Variants in NOL11 observed in about 807,000 individuals in gnomAD.
NOL11 encodes nucleolar protein 11.
Under a neutral mutation model 93.0 loss-of-function variants are expected in NOL11, and 42 were observed. The observed-to-expected ratio is 0.45, with a 90% CI of 0.35 to 0.58. NOL11 has a LOEUF of 0.58. Ranked by LOEUF, NOL11 falls within the 20% of genes least tolerant of loss-of-function variation. NOL11 has a pLI of 0.00. For missense variants in NOL11, 775 were observed against 841.8 expected (o/e 0.92, Z 0.98); for synonymous variants, 296 against 293.7 (o/e 1.01, Z -0.08).
intron 1 of NOL11, 71 bp from the exon 2 acceptor site, chr17:67,719,603 A>C (rs1230016193): frequency 1.2e-6 from 1 of 815,948 alleles, no homozygotes; most frequent in African/African-American, 1.8e-5. Flanking sequence ...TCTTTTATTG[A>C]TTATAAACTT....
At position 67,737,668 on chromosome 17, in the gene NOL11, T is replaced by G. The variant is rs1222831859; in HGVS notation, c.1379T>G (p.Ile460Ser). Reference protein sequence around the residue: ...FYPRNCLMQLIQTHVLSYSLC... With the variant: ...FYPRNCLMQLSQTHVLSYSLC... ...CCCCGGAACTGTCTGATGCAGCTTATCCAAACGCATGTGCTTTCTTACAGG... is the reference window on the plus strand; with the variant it reads ...CCCCGGAACTGTCTGATGCAGCTTAGCCAAACGCATGTGCTTTCTTACAGG... Residue 460 changes from isoleucine to serine, a missense_variant, in exon 12 of 18, where the codon ATC (isoleucine) becomes AGC (serine). Physicochemically the swap from Ile to Ser is moderately radical, Grantham distance 142 (BLOSUM62 -2). Coordinates refer to ENST00000253247, the MANE Select transcript of NOL11 (RefSeq NM_015462.5). 6.2e-7 allele frequency: 1 copy of G among 1,613,554 alleles called. No homozygotes were observed. Among genetic ancestry groups the G allele is most frequent in the Non-Finnish European group, 8.5e-7 (1 of 1,179,840 alleles).
At chr17:67,739,042 A>C (rs780927764) in intron 15 of NOL11, 32 bp downstream of exon 15, 4 of 1,455,542 alleles carry the variant, frequency 2.7e-6, no homozygotes, top group Non-Finnish European at 3.8e-6. Context: ...ATAGAATTTT[A>C]CTTCTGGTTT....
At position 67,721,405 on chromosome 17, in the gene NOL11, T is replaced by A; in HGVS notation, c.340T>A (p.Ser114Thr). Residue 114 changes from serine to threonine, a missense_variant, in exon 4 of 18, where the codon TCA becomes ACA. This residue lies in a region of NOL11 where 359 missense variants were observed against 316.5 expected (regional missense o/e 1.13). Transcript: ENST00000253247. ...GTCAGCAGAAGTATATAGGATACTTTCAGTGCAAGGGACAGAACCCTTGGT... is the reference window on the plus strand; with the variant it reads ...GTCAGCAGAAGTATATAGGATACTTACAGTGCAAGGGACAGAACCCTTGGT... Reference protein sequence around the residue: ...TLSAEVYRILSVQGTEPLVLF... With the variant: ...TLSAEVYRILTVQGTEPLVLF... The A allele has an allele frequency of 6.2e-7, 1 of 1,604,118 alleles. No homozygotes were observed. Among genetic ancestry groups the A allele is most frequent in the Non-Finnish European group, 8.5e-7 (1 of 1,177,104 alleles).
chr17:67,735,840 T>G, intron 8 of NOL11, 60 bp from the exon 9 acceptor site: 1 of 1,405,768 alleles, frequency 7.1e-7, no homozygotes, highest in Non-Finnish European at 9.8e-7. Context: ...TAAGGCTTTA[T>G]TGAGTCATAC....
Position 67,738,161 on chromosome 17 carries a change from G to A in NOL11, c.1569G>A (p.Met523Ile), listed in dbSNP as rs748317987. The A allele has an allele frequency of 1.2e-6, 2 of 1,612,398 alleles. No individual in the cohort carries two copies. Among genetic ancestry groups the A allele is most frequent in the Non-Finnish European group, 1.7e-6 (2 of 1,178,992 alleles). The change falls in exon 14 of 18, where the codon ATG (methionine) becomes ATA (isoleucine). Residue 523 changes from methionine to isoleucine, a missense_variant. Coordinates refer to ENST00000253247, the MANE Select transcript of NOL11 (RefSeq NM_015462.5). ...DDSLQETDVNMESVFDYSINS... is the reference protein window; with the variant it reads ...DDSLQETDVNIESVFDYSINS... ...GTCTTCAAGAAACAGATGTTAATAT[G>A]GAGTCAGTTTTTGACTATAGTATAA...
At chr17:67,725,052 G>A (rs547377291) in intron 6 of NOL11, among the ~76,000 whole-genome samples, 4 of 152,172 alleles carry the variant, frequency 2.6e-5, no homozygotes, top group East Asian at 1.9e-4. Context: ...AGCGAGACTC[G>A]AGACTCGTCT....
In NOL11 at chr17:67,722,795, C is replaced by T. The variant is rs572822704; in HGVS notation, c.519+158C>T. On this transcript the variant is annotated intron_variant, in intron 5 of 17. Transcript: ENST00000253247. ...AACCTCCTGGCTCAAGCAGTCCTCC[C>T]ACTTCAGCCTGCCGAGTTGCCTCGT... 2.0e-5 allele frequency among the ~76,000 whole-genome samples: 3 copies of T among 152,250 alleles called. No individual in the cohort carries two copies. In the East Asian group the frequency reaches 5.8e-4, roughly 29 times the overall value.
chr17:67,742,672 T>C (rs572792092), intron 16 of NOL11, among the ~76,000 whole-genome samples: 3 of 152,218 alleles, frequency 2.0e-5, no homozygotes, highest in African/African-American at 4.8e-5. Context: ...TAATCTGATA[T>C]AAGGAGTTCC....
intron 7 of NOL11, among the ~76,000 whole-genome samples, chr17:67,733,935 A>T (rs7224980): frequency 0.82 from 124,673 of 152,086 alleles, 51,460 homozygotes; most frequent in Middle Eastern, 0.88. Context: ...ACTCATGGGG[A>T]TATTGCTCTG....
At chr17:67,726,795 ATTC>A (rs1202323743) in intron 7 of NOL11, 147 bp downstream of exon 7, 3 of 549,828 alleles carry the variant, frequency 5.5e-6, no homozygotes, top group African/African-American at 2.0e-5. Flanking sequence ...TGCCTTCCTA[ATTC>A]TTCTTGAATT....
rs1456753835 is a variant in NOL11 at position 67,723,992 on chromosome 17, T to C, written c.520-57T>C. The stretch of plus-strand genomic sequence containing the variant: ...GGTGACAACTTCTGGTTTTAACATA[T>C]GTTAAAATACTTGGTTGAAATGGGA... On this transcript the variant is annotated intron_variant, in intron 5 of 17. Coordinates refer to ENST00000253247, the MANE Select transcript of NOL11 (RefSeq NM_015462.5). The C allele has an allele frequency of 3.1e-6, 4 of 1,276,318 alleles. No individual in the cohort carries two copies. The South Asian group carries it at 5.8e-5, about 19-fold the overall frequency. The allele number at this position is 1,276,318 out of a possible 1,614,324, so 79.1% of individuals were successfully genotyped here. A position where few individuals can be genotyped will look rare whatever the true frequency, so the allele number is the denominator to read the frequency against.
chr17:67,725,233 A>G (rs1433161756), intron 6 of NOL11, among the ~76,000 whole-genome samples: 4 of 152,054 alleles, frequency 2.6e-5, no homozygotes, highest in Admixed American at 1.3e-4. Flanking sequence ...CTTTTTTCCA[A>G]CCATTAGATT....
chr17:67,738,877 A>G, intron 14 of NOL11, 55 bp from the exon 15 acceptor site: 1 of 1,136,236 alleles, frequency 8.8e-7, no homozygotes, highest in South Asian at 1.3e-5. Context: ...AGTTACTCAT[A>G]AGTTCAATAG....
At chr17:67,743,364 G>C (rs1361412448) in intron 16 of NOL11, 115 bp from the exon 17 acceptor site, 1 of 457,380 alleles carries the variant, frequency 2.2e-6, no homozygotes, top group African/African-American at 2.0e-5. Context: ...AAAATGTTCA[G>C]ATTTTATTTA....
chr17:67,738,084 G>A (rs372097082), intron 13 of NOL11, 38 bp from the exon 14 acceptor site: 31 of 1,558,302 alleles, frequency 2.0e-5, no homozygotes, highest in Non-Finnish European at 2.7e-5. Flanking sequence ...AAAGCTTGGT[G>A]ATAAGGATTA....
chr17:67,722,141 T>G (rs1017840344), intron 4 of NOL11, among the ~76,000 whole-genome samples: 14 of 152,234 alleles, frequency 9.2e-5, no homozygotes, highest in Non-Finnish European at 2.1e-4. Flanking sequence ...GCAACTGTTG[T>G]GAGGGAAATC....
rs374993733 is a variant in NOL11, at chr17:67,739,431, A to C, written c.1843-85A>C. On this transcript the variant is annotated intron_variant, in intron 15 of 17. Coordinates refer to ENST00000253247, the MANE Select transcript of NOL11 (RefSeq NM_015462.5). ...TATTTGTTTGATGTATAAATTGAACATTTTTTTCAATCTTCGTGATGGGTT... is the reference window on the plus strand; with the variant it reads ...TATTTGTTTGATGTATAAATTGAACCTTTTTTTCAATCTTCGTGATGGGTT... The C allele has an allele frequency of 7.0e-3, 5,455 of 780,910 alleles. 29 individuals are homozygous for C. The highest frequency in any genetic ancestry group is 0.024 in the Middle Eastern group (68 of 2,856). 48.4% of individuals were successfully genotyped at this position (780,910 alleles called of 1,614,324 possible). A position where few individuals can be genotyped will look rare whatever the true frequency, so the allele number is the denominator to read the frequency against.
chr17:67,719,164 C>G (rs962148186), intron 1 of NOL11: 1 of 152,028 alleles, frequency 6.6e-6, no homozygotes, highest in African/African-American at 2.4e-5. Context: ...TTCGGGAGGC[C>G]CAGGTGGGTG....
chr17:67,741,108 C>T (rs1430667742), intron 16 of NOL11, among the ~76,000 whole-genome samples: 1 of 152,144 alleles, frequency 6.6e-6, no homozygotes, highest in Non-Finnish European at 1.5e-5. Context: ...CTCGCTCTGT[C>T]TCCCAGGCTA....
Sources: gnomAD v4.1 joint callset for allele counts (sites outside exome capture counted in the v4.1 genomes callset) on GRCh38, gnomAD v4.1.1 for gene constraint, gnomAD v4.1.1 regional missense constraint, MANE v1.5 for transcripts, NCBI Gene and HGNC (gene_info 2026-07-23, HGNC 2026-07-21) for gene names.